Variants in MAML3 observed in about 807,000 individuals in gnomAD.
MAML3 encodes the protein mastermind like transcriptional coactivator 3.
Under a neutral mutation model 101.9 loss-of-function variants are expected in MAML3, and 27 were observed. The ratio of observed to expected loss-of-function variants is 0.27; its 90% confidence interval spans 0.20 to 0.37. The LOEUF is 0.37. MAML3 is among the 10% of genes least tolerant of loss of function. MAML3 has a pLI of 1.00. For missense variants in MAML3, 1,316 were observed against 1,444.9 expected, an observed-to-expected ratio of 0.91 and a Z score of 1.45; for synonymous variants, 501 against 555.9, an observed-to-expected ratio of 0.90 and a Z score of 1.39.
At chr4:140,010,813 A>G (rs1251412608) in intron 1 of MAML3, among the ~76,000 whole-genome samples, 3 of 152,126 alleles carry the variant, frequency 2.0e-5, no homozygotes, top group Non-Finnish European at 4.4e-5. Context: ...ATTAAACAAT[A>G]TACATGAGGC....
chr4:139,913,157 TG>T (rs1335309117), intron 1 of MAML3, among the ~76,000 whole-genome samples: 1 of 152,172 alleles, frequency 6.6e-6, no homozygotes, highest in Non-Finnish European at 1.5e-5. Context: ...AAATGAGGCA[TG>T]CATATGAACA....
At chr4:139,800,452 A>G (rs1730584255) in intron 2 of MAML3, among the ~76,000 whole-genome samples, 1 of 152,200 alleles carries the variant, frequency 6.6e-6, no homozygotes, top group South Asian at 2.1e-4. Context: ...TGACTTGATG[A>G]TGAGAATAAA....
intron 1 of MAML3, among the ~76,000 whole-genome samples, chr4:140,030,753 G>T (rs1160266137): frequency 6.6e-6 from 1 of 152,174 alleles, no homozygotes; most frequent in East Asian, 1.9e-4. Context: ...GTGCTCCAGG[G>T]GTAGGGAGTT....
intron 2 of MAML3, among the ~76,000 whole-genome samples, chr4:139,798,341 A>T (rs1730552790): frequency 6.6e-6 from 1 of 152,202 alleles, no homozygotes; most frequent in Non-Finnish European, 1.5e-5. Flanking sequence ...ACCATCTTTA[A>T]ATGGTCGAAC....
At chr4:139,841,508 C>T (rs1731360251) in intron 2 of MAML3, among the ~76,000 whole-genome samples, 1 of 152,244 alleles carries the variant, frequency 6.6e-6, no homozygotes, top group Admixed American at 6.5e-5. Context: ...AGAATCCCAC[C>T]AGATGCTGCT....
intron 2 of MAML3, among the ~76,000 whole-genome samples, chr4:139,847,776 G>C (rs1391002886): frequency 1.3e-5 from 2 of 152,218 alleles, no homozygotes; most frequent in Non-Finnish European, 2.9e-5. Context: ...TGAAAAGCTT[G>C]CTTGAAAAGG....
chr4:140,033,075 T>A (rs1341188640), intron 1 of MAML3, among the ~76,000 whole-genome samples: 1 of 152,136 alleles, frequency 6.6e-6, no homozygotes, highest in Non-Finnish European at 1.5e-5. Context: ...GTTTTGGAAT[T>A]TCCAAAAAGC....
At position 139,788,879 on chromosome 4, in the gene MAML3, CT is replaced by C. The variant is rs936021128; in HGVS notation, c.2080-58213del. On this transcript the variant is annotated intron_variant, in intron 2 of 4. Coordinates refer to ENST00000509479, the MANE Select transcript of MAML3 (RefSeq NM_018717.5). Reference sequence around the variant, plus strand: ...GAGAGTGGGCTTGAGTTCTTGATGACTTTGTGGAGCTGCCAGAGTAGCCCTG... The same window carrying C: ...GAGAGTGGGCTTGAGTTCTTGATGACTTGTGGAGCTGCCAGAGTAGCCCTG... 2.6e-5 allele frequency among the ~76,000 whole-genome samples: 4 copies of C among 152,116 alleles called. 1 individual carries two copies. The highest frequency in any genetic ancestry group is 1.3e-4 in the Admixed American group (2 of 15,260).
At chr4:139,926,581 T>A (rs1455012915) in intron 1 of MAML3, among the ~76,000 whole-genome samples, 3 of 152,088 alleles carry the variant, frequency 2.0e-5, no homozygotes, top group Non-Finnish European at 4.4e-5. Flanking sequence ...GCCTGGGAGA[T>A]AAAGCGAGAC....
At chr4:139,885,793 C>A (rs562112258) in intron 2 of MAML3, among the ~76,000 whole-genome samples, 1 of 149,194 alleles carries the variant, frequency 6.7e-6, no homozygotes, top group Non-Finnish European at 1.5e-5. Flanking sequence ...ATTAGCCAGG[C>A]GTGCCGGCAG....
At chr4:139,873,084 AAAATAAAT>A (rs576589955) in intron 2 of MAML3, among the ~76,000 whole-genome samples, 4 of 151,900 alleles carry the variant, frequency 2.6e-5, no homozygotes, top group East Asian at 1.9e-4. Flanking sequence ...TCCATCTCAA[AAAATAAAT>A]AAATAAATAA....
chr4:140,017,494 T>C (rs1425857979), intron 1 of MAML3, among the ~76,000 whole-genome samples: 2 of 152,130 alleles, frequency 1.3e-5, no homozygotes, highest in Admixed American at 1.3e-4. Flanking sequence ...ACCCTGTATA[T>C]GATTGCTCAT....
intron 1 of MAML3, among the ~76,000 whole-genome samples, chr4:139,901,747 G>A (rs1301947413): frequency 2.0e-5 from 3 of 152,168 alleles, no homozygotes; most frequent in Non-Finnish European, 4.4e-5. Flanking sequence ...GTGAGGTTTC[G>A]ATTTGTTTAT....
chr4:139,906,705 G>A (rs1263825008), intron 1 of MAML3, among the ~76,000 whole-genome samples: 1 of 152,130 alleles, frequency 6.6e-6, no homozygotes. Flanking sequence ...GTATTTCAAT[G>A]GTTTTATCTT....
chr4:139,937,444 T>G (rs1733529152), intron 1 of MAML3, among the ~76,000 whole-genome samples: 1 of 151,272 alleles, frequency 6.6e-6, no homozygotes, highest in Non-Finnish European at 1.5e-5. Flanking sequence ...GATAGTGTGG[T>G]GGTGCAATCT....
intron 1 of MAML3, among the ~76,000 whole-genome samples, chr4:140,091,546 A>AC (rs1560890580): frequency 1.4e-5 from 2 of 143,380 alleles, no homozygotes; most frequent in African/African-American, 5.5e-5. Context: ...ACAAAAACAA[A>AC]ACAAAAAAAA....
At chr4:139,852,574 G>A (rs1314371150) in intron 2 of MAML3, among the ~76,000 whole-genome samples, 1 of 151,768 alleles carries the variant, frequency 6.6e-6, no homozygotes, top group Non-Finnish European at 1.5e-5. Flanking sequence ...CATCATGTCT[G>A]GCTAATTTTT....
chr4:139,874,188 T>A (rs1732066042), intron 2 of MAML3, among the ~76,000 whole-genome samples: 1 of 152,150 alleles, frequency 6.6e-6, no homozygotes, highest in East Asian at 1.9e-4. Context: ...CTGTAAGGCC[T>A]CAAAGAGTCT....
At chr4:140,057,930 C>T (rs1335193313) in intron 1 of MAML3, among the ~76,000 whole-genome samples, 2 of 148,202 alleles carry the variant, frequency 1.3e-5, no homozygotes, top group South Asian at 2.2e-4. Context: ...GTGTGAAGGC[C>T]CCCACCGCCA....
Sources: gnomAD v4.1 joint callset for allele counts (sites outside exome capture counted in the v4.1 genomes callset) on GRCh38, gnomAD v4.1.1 for gene constraint, MANE v1.5 for transcripts, NCBI Gene and HGNC (gene_info 2026-07-23, HGNC 2026-07-21) for gene names.